Variants in ZNF112 observed in about 807,000 individuals in gnomAD.
The protein encoded by ZNF112 is zinc finger protein 112 (Y14).
In ZNF112, 37 loss-of-function variants were observed where a neutral mutation model predicts 77.7. The ratio of observed to expected loss-of-function variants is 0.48; its 90% confidence interval spans 0.37 to 0.63. The LOEUF (loss-of-function observed/expected upper bound fraction) is 0.63, where lower values mean the gene tolerates loss of function less well. Among genes scored for constraint, ZNF112 ranks in the 20% least tolerant of loss-of-function variants. ZNF112 has a pLI of 0.00. For synonymous variants in ZNF112, 333 were observed against 363.6 expected (o/e 0.92, Z 0.96); for missense variants, 950 against 1,077.4 (o/e 0.88, Z 1.66).
chr19:44,332,239 C>A (rs1315718212), intron 3 of ZNF112, among the ~76,000 whole-genome samples: 1 of 152,068 alleles, frequency 6.6e-6, no homozygotes, highest in Non-Finnish European at 1.5e-5. Context: ...AAAATCTTAC[C>A]CGTAAGCCCT....
chr19:44,345,167 G>GTT (rs1467447173), intron 1 of ZNF112, among the ~76,000 whole-genome samples: 2 of 152,164 alleles, frequency 1.3e-5, no homozygotes, highest in African/African-American at 4.8e-5. Flanking sequence ...TGGAAGAAGA[G>GTT]TTTTTATGAA....
At chr19:44,337,834 TACACA>T (rs2123167099) in intron 2 of ZNF112, among the ~76,000 whole-genome samples, 1 of 18,446 alleles carries the variant, frequency 5.4e-5, no homozygotes, top group East Asian at 2.2e-3. Context: ...TGTATATACA[TACACA>T]TACACACACA....
intron 1 of ZNF112, among the ~76,000 whole-genome samples, chr19:44,349,163 T>C (rs1283308788): frequency 6.6e-6 from 1 of 152,118 alleles, no homozygotes; most frequent in Non-Finnish European, 1.5e-5. Context: ...CAGTGCTATG[T>C]AGTTATAACA....
In ZNF112 at chr19:44,340,107, A is replaced by T. The variant is rs540854694; in HGVS notation, c.124+309T>A. ...TTATTTACAAATATAATGTTTTTTT[A>T]AAAAAACCCCTCTAAAAAGTCAAGT... is the stretch of plus-strand genomic sequence containing the variant. On this transcript the variant is annotated intron_variant, in intron 2 of 3. Transcript: ENST00000354340. Among the ~76,000 whole-genome samples, 60 of 151,902 alleles carry T rather than the reference A, an allele frequency of 3.9e-4. 1 individual carries two copies. The highest frequency in any genetic ancestry group is 1.4e-3 in the African/African-American group (56 of 41,410).
At chr19:44,336,022 A>G (rs1970359067) in intron 3 of ZNF112, among the ~76,000 whole-genome samples, 1 of 152,224 alleles carries the variant, frequency 6.6e-6, no homozygotes, top group African/African-American at 2.4e-5. Flanking sequence ...AGATGGACAT[A>G]TGAATACAAG....
rs146556888 is a variant in ZNF112 at position 44,343,296 on chromosome 19, C to T, written c.-3-2754G>A. 2,466 of 1,611,802 alleles carry T rather than the reference C, an allele frequency of 1.5e-3. 11 individuals carry two copies. The highest frequency in any genetic ancestry group is 5.1e-3 in the Admixed American group (306 of 59,782). On this transcript the variant is annotated intron_variant, in intron 1 of 3. Transcript: ENST00000354340. The stretch of plus-strand genomic sequence containing the variant: ...TTCTCTTTCTTTTTCTAGAGAAAGG[C>T]AGAGACCTGAGAAGGCAGAACAGGG...
At chr19:44,362,267 T>G (rs1288693078) in intron 1 of ZNF112, among the ~76,000 whole-genome samples, 6 of 150,832 alleles carry the variant, frequency 4.0e-5, no homozygotes, top group Non-Finnish European at 1.5e-5. Flanking sequence ...GGAGGAGAAG[T>G]AGGAGGAGGA....
At chr19:44,343,090 A>C (rs1458022788) in intron 1 of ZNF112, among the ~76,000 whole-genome samples, 1 of 152,178 alleles carries the variant, frequency 6.6e-6, no homozygotes, top group Non-Finnish European at 1.5e-5. Context: ...AACTAAAAGG[A>C]AATTTTAGAA....
intron 1 of ZNF112, among the ~76,000 whole-genome samples, chr19:44,347,134 C>T (rs1026265317): frequency 6.6e-6 from 1 of 151,994 alleles, no homozygotes; most frequent in Non-Finnish European, 1.5e-5. Flanking sequence ...ATTGTTATGT[C>T]TACTCGGGGA....
Position 44,328,973 on chromosome 19 carries a change from C to T in ZNF112, c.1184G>A (p.Cys395Tyr). 6.2e-7 allele frequency: 1 copy of T among 1,613,964 alleles called. No homozygotes were observed. Among genetic ancestry groups the T allele is most frequent in the South Asian group, 1.1e-5 (1 of 91,086 alleles). The change falls in exon 4 of 4, where the codon TGT becomes TAT. Residue 395 changes from cysteine to tyrosine, a missense_variant. Cys to Tyr is a radical substitution (Grantham distance 194). Coordinates refer to ENST00000354340, the MANE Select transcript of ZNF112 (RefSeq NM_013380.4). ...ENENVFNQSS[C>Y]LQVHQKIHTE... The stretch of plus-strand genomic sequence containing the variant: ...GTGGATTTTTTGATGGACTTGAAGA[C>T]ATGAACTCTGATTAAAGACATTCTC...
intron 3 of ZNF112, among the ~76,000 whole-genome samples, chr19:44,333,519 G>A (rs942108290): frequency 1.3e-5 from 2 of 152,174 alleles, no homozygotes; most frequent in Non-Finnish European, 2.9e-5. Flanking sequence ...GAGGCCTGGT[G>A]GGAGGTGATT....
chr19:44,342,673 C>T (rs1599926158), intron 1 of ZNF112, among the ~76,000 whole-genome samples: 3 of 151,614 alleles, frequency 2.0e-5, no homozygotes, highest in East Asian at 3.9e-4. Flanking sequence ...AAAAATAGCT[C>T]GGTGTGGTGG....
chr19:44,359,985 G>A (rs1416263241), upstream of ZNF112, among the ~76,000 whole-genome samples: 4 of 151,950 alleles, frequency 2.6e-5, no homozygotes, highest in South Asian at 4.2e-4. Context: ...GGCCAGGCAC[G>A]GTGGCTCATG....
intron 3 of ZNF112, among the ~76,000 whole-genome samples, chr19:44,331,100 GAAT>G (rs1970263092): frequency 1.3e-5 from 2 of 152,200 alleles, no homozygotes; most frequent in South Asian, 4.1e-4. Flanking sequence ...AGGGCTTAGA[GAAT>G]AATAAGCTCT....
Position 44,329,979 on chromosome 19 carries a change from T to C in ZNF112, c.221-43A>G, listed in dbSNP as rs995978290. 3 of 1,462,090 alleles carry C rather than the reference T, an allele frequency of 2.1e-6. No homozygotes were observed. The African/African-American group carries it at 4.2e-5, about 21-fold the overall frequency. The allele number at this position is 1,462,090 out of a possible 1,614,324, so 90.6% of individuals were successfully genotyped here. On this transcript the variant is annotated intron_variant, in intron 3 of 3. Transcript: ENST00000354340. ...ATTCAGATGTGCACGAGTGAATGCTTTATTCAAGAGATTTGAAGATTTTAC... is the reference window on the plus strand; with the variant it reads ...ATTCAGATGTGCACGAGTGAATGCTCTATTCAAGAGATTTGAAGATTTTAC...
In ZNF112 at chr19:44,329,284, A is replaced by G; in HGVS notation, c.873T>C (p.Tyr291=). Residue 291 remains tyrosine (Y), a synonymous_variant, in exon 4 of 4, where the codon TAT becomes TAC. Coordinates refer to ENST00000354340, the MANE Select transcript of ZNF112 (RefSeq NM_013380.4). ...TYSSCGKGCN[Y]SSLLHIHQNI... Reference sequence around the variant, plus strand: ...TTTGATGAATATGAAGAAGTGAACTATAATTACAGCCCTTTCCACATGAAC... The same window carrying G: ...TTTGATGAATATGAAGAAGTGAACTGTAATTACAGCCCTTTCCACATGAAC... 1 of 1,614,004 alleles carries G rather than the reference A, an allele frequency of 6.2e-7. No individual in the cohort carries two copies. Among genetic ancestry groups the G allele is most frequent in the Non-Finnish European group, 8.5e-7 (1 of 1,179,990 alleles).
In ZNF112 at chr19:44,327,590, T is replaced by C; in HGVS notation, c.2567A>G (p.Lys856Arg). The C allele has an allele frequency of 6.2e-7, 1 of 1,614,098 alleles. No individual in the cohort carries two copies. Among genetic ancestry groups the C allele is most frequent in the Middle Eastern group, 1.6e-4 (1 of 6,062 alleles). ...QRVHTGEKPY[K>R]CDACGKGFRW... The stretch of plus-strand genomic sequence containing the variant: ...GAAACCCTTACCACATGCATCACAT[T>C]TGTATGGTTTCTCTCCTGTGTGGAC... Residue 856 changes from lysine (K) to arginine (R), a missense_variant, in exon 4 of 4, where the codon AAA becomes AGA. Coordinates refer to ENST00000354340, the MANE Select transcript of ZNF112 (RefSeq NM_013380.4).
rs145031823 is a variant in ZNF112, at chr19:44,327,778, A to G, written c.2379T>C (p.His793=). Residue 793 remains histidine, a synonymous_variant, in exon 4 of 4, where the codon CAT becomes CAC. Coordinates refer to ENST00000354340, the MANE Select transcript of ZNF112 (RefSeq NM_013380.4). ...CACATTTATAGGGTCTCCCTTCCAC[A>G]TGAACCCTTTGGTGTGCTTGAAGGC... ...SSRLQAHQRV[H]VEGRPYKCEQ... The G allele has an allele frequency of 9.3e-6, 15 of 1,613,774 alleles. No individual in the cohort carries two copies. Among genetic ancestry groups the G allele is most frequent in the East Asian group, 2.2e-5 (1 of 44,864 alleles).
intron 3 of ZNF112, among the ~76,000 whole-genome samples, chr19:44,330,659 C>T (rs1197685310): frequency 6.6e-6 from 1 of 152,116 alleles, no homozygotes; most frequent in Non-Finnish European, 1.5e-5. Flanking sequence ...TAACTTGAAC[C>T]CATGAGGCAG....
Sources: gnomAD v4.1 joint callset for allele counts (sites outside exome capture counted in the v4.1 genomes callset) on GRCh38, gnomAD v4.1.1 for gene constraint, MANE v1.5 for transcripts, NCBI Gene and HGNC (gene_info 2026-07-23, HGNC 2026-07-21) for gene names.